Variants in PTBP1 observed in about 807,000 individuals in gnomAD.
The protein encoded by PTBP1 is polypyrimidine tract binding protein 1, also known as polypyrimidine tract-binding protein 1.
A neutral mutation model predicts 59.8 loss-of-function variants in PTBP1; 8 were observed. That is an observed-to-expected ratio of 0.13 (90% CI 0.08 to 0.24). The LOEUF (loss-of-function observed/expected upper bound fraction) is 0.24. Ranked by LOEUF, PTBP1 falls within the 10% of genes least tolerant of loss-of-function variation. The probability of loss-of-function intolerance (pLI) is 1.00; values close to 1 mark genes in which losing one functional copy is unlikely to be tolerated. For missense variants in PTBP1, 686 were observed against 767.0 expected (o/e 0.89, Z 1.25); for synonymous variants, 490 against 320.7 (o/e 1.53, Z -5.64).
At position 807,866 on chromosome 19, in the gene PTBP1, A is replaced by T; in HGVS notation, c.1120-3A>T. ...CCGCTGCCTTGCTCTGCTGTCTCTA[A>T]AGAGAGTCACACCCCAAAGCCTCTT... On this transcript the variant is annotated splice_region_variant and splice_polypyrimidine_tract_variant and intron_variant, in intron 10 of 14. Transcript: ENST00000356948. 6.2e-7 allele frequency: 1 copy of T among 1,613,438 alleles called. No homozygotes were observed. The highest frequency in any genetic ancestry group is 8.5e-7 in the Non-Finnish European group (1 of 1,179,546).
rs984264198 is a variant in PTBP1 at position 811,870 on chromosome 19, A to G, written c.*1044A>G. On this transcript the variant is annotated 3_prime_UTR_variant, in exon 15 of 15. Coordinates refer to ENST00000356948, the MANE Select transcript of PTBP1 (RefSeq NM_002819.5). ...CCTTCAAATTTTGGACCAAAGTCTC[A>G]TTTCTGTGTTTTGCCTGCCTCTGAT... 1.1e-4 allele frequency: 17 copies of G among 152,254 alleles called. No homozygotes were observed. The highest frequency in any genetic ancestry group is 3.9e-4 in the African/African-American group (16 of 41,382). The allele number at this position is 152,254 out of a possible 1,614,324, so 9.4% of individuals were successfully genotyped here. A position where few individuals can be genotyped will look rare whatever the true frequency, so the allele number is the denominator to read the frequency against.
chr19:805,200 CCGACG>C lies in PTBP1; in HGVS notation c.892+16_892+20del. The C allele has an allele frequency of 6.2e-7, 1 of 1,612,190 alleles. No individual in the cohort carries two copies. The highest frequency in any genetic ancestry group is 1.1e-5 in the South Asian group (1 of 91,014). Reference sequence around the variant, plus strand: ...GCCGCGGCCTTCGGTAAGAGGCTGCCCGACGCGGCGCCAGTGTGCAGAGTGGTCTA... The same window carrying C: ...GCCGCGGCCTTCGGTAAGAGGCTGCCCGGCGCCAGTGTGCAGAGTGGTCTA... On this transcript the variant is annotated intron_variant, in intron 8 of 14. Transcript: ENST00000356948.
chr19:799,829 C>T (rs185700601), intron 2 of PTBP1, among the ~76,000 whole-genome samples: 1 of 152,324 alleles, frequency 6.6e-6, no homozygotes, highest in African/African-American at 2.4e-5. Context: ...GGAAAAGAGC[C>T]ACCTGGCTGT....
In PTBP1 at chr19:804,087, T is replaced by A. The variant is rs752171101; in HGVS notation, c.167T>A (p.Val56Asp). 10 of 1,613,752 alleles carry A rather than the reference T, an allele frequency of 6.2e-6. No individual in the cohort carries two copies. The African/African-American group carries it at 9.4e-5, about 15-fold the overall frequency. Reference sequence around the variant, plus strand: ...AAAGGTGACAGCCGAAGTGCAGGCGTCCCCTCTAGAGTGATCCACATCCGG... The same window carrying A: ...AAAGGTGACAGCCGAAGTGCAGGCGACCCCTCTAGAGTGATCCACATCCGG... ...KFKGDSRSAG[V>D]PSRVIHIRKL... Residue 56 changes from valine to aspartate, a missense_variant, in exon 4 of 15, where the codon GTC (valine) becomes GAC (aspartate). Val to Asp is a radical substitution (Grantham distance 152). Transcript: ENST00000356948.
chr19:799,373 G>A (rs376064943), intron 1 of PTBP1, 40 bp from the exon 2 acceptor site: 1 of 1,606,476 alleles, frequency 6.2e-7, no homozygotes, highest in African/African-American at 1.3e-5. Flanking sequence ...CTGCTGAGTG[G>A]CCACCAGGCT....
rs1342013582 is a variant in PTBP1, at chr19:811,569, AGT to A, written c.*746_*747del. On this transcript the variant is annotated 3_prime_UTR_variant, in exon 15 of 15. Coordinates refer to ENST00000356948, the MANE Select transcript of PTBP1 (RefSeq NM_002819.5). ...TATAGCAAGATGATACAATGGTATG[AGT>A]GTAATCTAAACTTCCTTGTGGTATT... is the stretch of plus-strand genomic sequence containing the variant. The A allele has an allele frequency of 1.3e-5, 2 of 152,450 alleles. No individual in the cohort carries two copies. Among genetic ancestry groups the A allele is most frequent in the Non-Finnish European group, 2.9e-5 (2 of 68,048 alleles). The allele number at this position is 152,450 out of a possible 1,614,324, so 9.4% of individuals were successfully genotyped here.
At chr19:804,773 C>G (rs1826790200) in intron 6 of PTBP1, 56 bp from the exon 7 acceptor site, 2 of 1,608,890 alleles carry the variant, frequency 1.2e-6, no homozygotes, top group Non-Finnish European at 1.7e-6. Flanking sequence ...CGGGAGGGGC[C>G]TGGCAGGGCT....
intron 9 of PTBP1, chr19:806,045 G>C (rs1568271009): frequency 4.1e-6 from 1 of 243,162 alleles, no homozygotes; most frequent in Non-Finnish European, 7.8e-6. Context: ...CCCGGCGGCC[G>C]CCTCGTCTGC....
At chr19:801,258 G>C (rs1000898641) in intron 2 of PTBP1, among the ~76,000 whole-genome samples, 22 of 152,210 alleles carry the variant, frequency 1.4e-4, no homozygotes, top group Middle Eastern at 3.2e-3. Context: ...GAAGGCAGTG[G>C]AGGCGCTAGG....
At chr19:802,747 A>C (rs908054067) in intron 2 of PTBP1, among the ~76,000 whole-genome samples, 1 of 152,132 alleles carries the variant, frequency 6.6e-6, no homozygotes, top group East Asian at 1.9e-4. Flanking sequence ...CTTTGAATAA[A>C]CGTGTGTCTT....
intron 2 of PTBP1, among the ~76,000 whole-genome samples, chr19:802,682 A>G (rs920490094): frequency 4.6e-5 from 7 of 152,072 alleles, no homozygotes; most frequent in African/African-American, 1.2e-4. Flanking sequence ...CTCAGACCCG[A>G]GCTTTGTTTT....
intron 10 of PTBP1, chr19:806,777 T>C (rs1278767653): frequency 4.3e-6 from 2 of 470,378 alleles, no homozygotes; most frequent in Non-Finnish European, 7.4e-6. Context: ...TCTTGCATGA[T>C]ACGCAGAATG....
In PTBP1 at chr19:808,141, C is replaced by T. The variant is rs932314854; in HGVS notation, c.1154-219C>T. ...CGGTGGCATATGCCACCGTGGCCAC[C>T]CGCTGGCAGCTTACCTGTCCTGGAT... is the stretch of plus-strand genomic sequence containing the variant. On this transcript the variant is annotated intron_variant, in intron 11 of 14. Coordinates refer to ENST00000356948, the MANE Select transcript of PTBP1 (RefSeq NM_002819.5). This position sits in a 1 kb window ranked among gnomAD's most constrained non-coding sequence, Gnocchi z 4.7. 1.6e-6 allele frequency: 1 copy of T among 629,746 alleles called. No individual in the cohort carries two copies. Among genetic ancestry groups the T allele is most frequent in the Non-Finnish European group, 2.8e-6 (1 of 352,290 alleles). 39.0% of individuals were successfully genotyped at this position (629,746 alleles called of 1,614,324 possible). A position where few individuals can be genotyped will look rare whatever the true frequency, so the allele number is the denominator to read the frequency against.
rs776189806 is a variant in PTBP1, at chr19:806,422, A to C, written c.985A>C (p.Asn329His). 3 of 1,602,170 alleles carry C rather than the reference A, an allele frequency of 1.9e-6. No homozygotes were observed. The highest frequency in any genetic ancestry group is 2.6e-6 in the Non-Finnish European group (3 of 1,174,772). Residue 329 changes from asparagine to histidine, a missense_variant, in exon 10 of 15, where the codon AAC becomes CAC. Physicochemically the swap from Asn to His is moderately conservative, Grantham distance 68. Coordinates refer to ENST00000356948, the MANE Select transcript of PTBP1 (RefSeq NM_002819.5). ...TGCTTTTCCAGGCCTTTCCGTTCCG[A>C]ACGTCCACGGCGCCCTGGCCCCCCT... ...IPQAAGLSVP[N>H]VHGALAPLAI...
intron 13 of PTBP1, among the ~76,000 whole-genome samples, chr19:809,018 A>T (rs977704006): frequency 1.3e-5 from 2 of 152,074 alleles, no homozygotes; most frequent in African/African-American, 4.8e-5. Context: ...TTATTTATTT[A>T]TATTTTTTGA....
chr19:810,667 G>A (rs543567872), intron 14 of PTBP1, 27 bp from the exon 15 acceptor site: 130 of 1,611,890 alleles, frequency 8.1e-5, no homozygotes, highest in Non-Finnish European at 1.0e-4. Context: ...GCTGCCCTGC[G>A]GCCGGCCCTG....
At chr19:806,977 T>A (rs351975) in intron 10 of PTBP1, 13,295 of 159,986 alleles carry the variant, frequency 0.083, 1,899 homozygotes, top group African/African-American at 0.3. Context: ...CCCAGAATGG[T>A]TAAATTCCCC....
intron 1 of PTBP1, among the ~76,000 whole-genome samples, chr19:797,739 C>G (rs1405432751): frequency 1.3e-5 from 2 of 148,392 alleles, no homozygotes; most frequent in African/African-American, 4.9e-5. Context: ...CCGCGCGCCC[C>G]GTCCCTAGCG....
At chr19:803,416 C>T in intron 2 of PTBP1, 145 bp from the exon 3 acceptor site, 5 of 684,864 alleles carry the variant, frequency 7.3e-6, no homozygotes, top group Non-Finnish European at 1.0e-5. Context: ...TGCGCTCAGG[C>T]TGCCCTGCCG....
Sources: allele counts gnomAD v4.1 joint callset (sites outside exome capture counted in the v4.1 genomes callset), GRCh38; gene constraint gnomAD v4.1.1; non-coding constraint Gnocchi (gnomAD v3.1); transcripts MANE v1.5; gene names NCBI Gene and HGNC (gene_info 2026-07-23, HGNC 2026-07-21).